The following ME3 variants were observed in gnomAD, a reference collection of about 807,000 sequenced individuals.
ME3 encodes the protein malic enzyme 3, also known as NADP-dependent malic enzyme, mitochondrial.
ME3 carries 48 observed loss-of-function variants against 68.9 expected under a neutral mutation model. The ratio of observed to expected loss-of-function variants is 0.70; its 90% confidence interval spans 0.55 to 0.89. The LOEUF (loss-of-function observed/expected upper bound fraction) is 0.89. ME3 is among the 40% of genes least tolerant of loss of function. ME3 has a pLI of 0.00. For synonymous variants in ME3, 320 were observed against 318.8 expected, an observed-to-expected ratio of 1.00 and a Z score of -0.04; for missense variants, 675 against 797.4, an observed-to-expected ratio of 0.85 and a Z score of 1.85.
At chr11:86,496,405 CAAAAGAAAAGAAAAG>C (rs61497313) in intron 6 of ME3, among the ~76,000 whole-genome samples, 10 of 149,534 alleles carry the variant, frequency 6.7e-5, no homozygotes, top group African/African-American at 2.0e-4. Flanking sequence ...GAGTCTGTCT[CAAAAGAAAAGAAAAG>C]AAAAGAAAAG....
intron 2 of ME3, among the ~76,000 whole-genome samples, chr11:86,574,649 T>C (rs1957994004): frequency 6.6e-6 from 1 of 152,178 alleles, no homozygotes; most frequent in Admixed American, 6.5e-5. Context: ...CAGAACTCTT[T>C]TTCCGGCAGA....
intron 4 of ME3, among the ~76,000 whole-genome samples, chr11:86,510,864 A>G (rs1386432049): frequency 6.6e-6 from 1 of 152,210 alleles, no homozygotes; most frequent in Non-Finnish European, 1.5e-5. Flanking sequence ...CAAATTTATC[A>G]TCTAATCTTC....
At chr11:86,615,776 CTGGGGGACAGAGTGAAACCT>C (rs1942915671) in intron 2 of ME3, among the ~76,000 whole-genome samples, 1 of 152,152 alleles carries the variant, frequency 6.6e-6, no homozygotes. Context: ...GGGGTTGGGG[CTGGGGGACAGAGTGAAACCT>C]AAGTCATGGC....
At chr11:86,502,826 G>A (rs143071384) in intron 5 of ME3, among the ~76,000 whole-genome samples, 1 of 152,086 alleles carries the variant, frequency 6.6e-6, no homozygotes, top group African/African-American at 2.4e-5. Flanking sequence ...CAGACCTAAG[G>A]CCTTTTCTGA....
chr11:86,558,277 C>T (rs1212126289), intron 3 of ME3, among the ~76,000 whole-genome samples: 1 of 152,176 alleles, frequency 6.6e-6, no homozygotes, highest in Non-Finnish European at 1.5e-5. Context: ...ATTGTTCAAA[C>T]TTAGGGTGTG....
chr11:86,441,948 G>A (rs1949017100), intron 14 of ME3, among the ~76,000 whole-genome samples: 1 of 152,228 alleles, frequency 6.6e-6, no homozygotes, highest in Admixed American at 6.5e-5. Context: ...GAAACTGACG[G>A]GGTGAAGCTG....
chr11:86,633,243 G>C (rs1035788026), intron 2 of ME3, among the ~76,000 whole-genome samples: 2 of 152,214 alleles, frequency 1.3e-5, no homozygotes, highest in African/African-American at 4.8e-5. Flanking sequence ...CACAGTGACA[G>C]ACTGACATTT....
intron 4 of ME3, among the ~76,000 whole-genome samples, chr11:86,536,921 T>C (rs1955704622): frequency 6.6e-6 from 1 of 151,966 alleles, no homozygotes; most frequent in African/African-American, 2.4e-5. Context: ...ATTAAGAAAA[T>C]GTGACACATA....
At chr11:86,607,404 CCT>C (rs1173044063) in intron 2 of ME3, among the ~76,000 whole-genome samples, 2 of 151,714 alleles carry the variant, frequency 1.3e-5, no homozygotes, top group Non-Finnish European at 1.5e-5. Flanking sequence ...GTCATTTCTT[CCT>C]CTCTGATTCA....
At chr11:86,570,559 G>A (rs746230065) in intron 2 of ME3, among the ~76,000 whole-genome samples, 8 of 152,238 alleles carry the variant, frequency 5.3e-5, no homozygotes, top group African/African-American at 1.2e-4. Flanking sequence ...GGAAGTCTCC[G>A]CAGACACAGA....
intron 2 of ME3, among the ~76,000 whole-genome samples, chr11:86,599,208 AT>A (rs1178668912): frequency 6.6e-6 from 1 of 152,200 alleles, no homozygotes; most frequent in African/African-American, 2.4e-5. Context: ...ATTGAAAAAA[AT>A]TTAGACGAAT....
chr11:86,447,016 A>C (rs759965220), intron 12 of ME3, 49 bp downstream of exon 12: 3 of 1,595,364 alleles, frequency 1.9e-6, no homozygotes, highest in Non-Finnish European at 2.6e-6. Flanking sequence ...ACTCATTGTA[A>C]TTGTTACTAT....
chr11:86,479,284 C>A (rs1287376660), intron 7 of ME3, among the ~76,000 whole-genome samples: 1 of 152,180 alleles, frequency 6.6e-6, no homozygotes, highest in African/African-American at 2.4e-5. Flanking sequence ...CTGAGCTATG[C>A]CACCAGTTTC....
intron 2 of ME3, among the ~76,000 whole-genome samples, chr11:86,654,879 G>A (rs1945749422): frequency 6.6e-6 from 1 of 152,164 alleles, no homozygotes; most frequent in Non-Finnish European, 1.5e-5. Context: ...TCCTTAAGCT[G>A]ATAAGCAACT....
chr11:86,582,438 T>G (rs1213672670), intron 2 of ME3, among the ~76,000 whole-genome samples: 2 of 152,166 alleles, frequency 1.3e-5, no homozygotes, highest in Non-Finnish European at 2.9e-5. Flanking sequence ...CCCTGGTGAT[T>G]ATGAGAAACT....
chr11:86,578,216 A>G (rs1046239574), intron 2 of ME3, among the ~76,000 whole-genome samples: 3 of 152,162 alleles, frequency 2.0e-5, no homozygotes, highest in Non-Finnish European at 2.9e-5. Flanking sequence ...TAAAATTTAA[A>G]TAATACTGTT....
At chr11:86,638,836 C>T (rs1026425359) in intron 2 of ME3, among the ~76,000 whole-genome samples, 2 of 152,194 alleles carry the variant, frequency 1.3e-5, no homozygotes, top group African/African-American at 4.8e-5. Flanking sequence ...GGATGTAAAT[C>T]CATGTCCCTT....
At chr11:86,634,800 A>G (rs959027556) in intron 2 of ME3, among the ~76,000 whole-genome samples, 1 of 152,186 alleles carries the variant, frequency 6.6e-6, no homozygotes, top group Admixed American at 6.5e-5. Flanking sequence ...TCCTTTGAAC[A>G]CTATCCTTGG....
intron 2 of ME3, among the ~76,000 whole-genome samples, chr11:86,566,549 C>A (rs1957488975): frequency 6.6e-6 from 1 of 152,166 alleles, no homozygotes; most frequent in South Asian, 2.1e-4. Context: ...GTATTGCTAT[C>A]ATCAGTTCTA....
Sources: gnomAD v4.1 joint callset for allele counts (sites outside exome capture counted in the v4.1 genomes callset) on GRCh38, gnomAD v4.1.1 for gene constraint, MANE v1.5 for transcripts, NCBI Gene and HGNC (gene_info 2026-07-23, HGNC 2026-07-21) for gene names.